The following JAZF1 variants were observed in gnomAD, a reference collection of about 807,000 sequenced individuals.
JAZF1 encodes the protein juxtaposed with another zinc finger protein 1.
A neutral mutation model predicts 26.4 loss-of-function variants in JAZF1; 8 were observed. The ratio of observed to expected loss-of-function variants is 0.30; its 90% CI spans 0.18 to 0.55. The LOEUF (loss-of-function observed/expected upper bound fraction) is 0.55. Among genes scored for constraint, JAZF1 ranks in the 20% least tolerant of loss-of-function variants. JAZF1 has a pLI of 0.94. For missense variants in JAZF1, 199 were observed against 322.0 expected (o/e 0.62, Z 2.92); for synonymous variants, 126 against 122.3 (o/e 1.03, Z -0.20).
In JAZF1 at chr7:27,840,563, G is replaced by T; in HGVS notation, c.555+135C>A. On this transcript the variant is annotated intron_variant, in intron 4 of 4. Coordinates refer to ENST00000283928, the MANE Select transcript of JAZF1 (RefSeq NM_175061.4). The surrounding 1 kb of genome is among the most constrained non-coding windows in gnomAD (Gnocchi z 5.1). ...GTGTGCACACAGGGGTGAGGCCCAC[G>T]CACTCTAATGCAGGAGAGGGGAGTG... 1.1e-6 allele frequency: 1 copy of T among 893,366 alleles called. No homozygotes were observed. Among genetic ancestry groups the T allele is most frequent in the Non-Finnish European group, 1.8e-6 (1 of 571,138 alleles). 55.3% of individuals were successfully genotyped at this position (893,366 alleles called of 1,614,324 possible). A position where few individuals can be genotyped will look rare whatever the true frequency, so the allele number is the denominator to read the frequency against.
Position 27,945,265 on chromosome 7 carries a change from G to A in JAZF1, c.188+46644C>T, listed in dbSNP as rs1012340081. 2.8e-4 allele frequency among the ~76,000 whole-genome samples: 43 copies of A among 152,078 alleles called. 1 individual carries two copies. The highest frequency in any genetic ancestry group is 1.9e-3 in the Admixed American group (29 of 15,264). On this transcript the variant is annotated intron_variant, in intron 2 of 4. Transcript: ENST00000283928. ...TTGAGTGTGGGTGTTGGCTTTATGC[G>A]GCATTATGACAGCTAGCCTGTAAGA...
intron 3 of JAZF1, among the ~76,000 whole-genome samples, chr7:27,894,045 G>A (rs1303202882): frequency 2.0e-5 from 3 of 152,182 alleles, no homozygotes; most frequent in Admixed American, 6.5e-5. Flanking sequence ...TTTGTTCTTC[G>A]TCTATGACTG....
chr7:28,119,836 T>C (rs968287892), intron 1 of JAZF1, among the ~76,000 whole-genome samples: 2 of 152,226 alleles, frequency 1.3e-5, no homozygotes, highest in Non-Finnish European at 2.9e-5. Flanking sequence ...TAATCTTGTC[T>C]TAACCTGTTT....
intron 2 of JAZF1, among the ~76,000 whole-genome samples, chr7:27,897,242 T>C (rs1405181428): frequency 1.3e-5 from 2 of 152,124 alleles, no homozygotes; most frequent in Non-Finnish European, 2.9e-5. Flanking sequence ...TTCAAACTAG[T>C]GTTTCAAATA....
chr7:28,157,787 T>G (rs547663567), intron 1 of JAZF1, among the ~76,000 whole-genome samples: 2 of 152,316 alleles, frequency 1.3e-5, no homozygotes, highest in East Asian at 3.9e-4. Context: ...TGCTAACTCA[T>G]GCACCTACAT....
intron 2 of JAZF1, among the ~76,000 whole-genome samples, chr7:27,904,070 T>C (rs1201687157): frequency 6.6e-6 from 1 of 152,150 alleles, no homozygotes; most frequent in Non-Finnish European, 1.5e-5. Flanking sequence ...CAGTCTAACA[T>C]GGAGAGTAAG....
intron 1 of JAZF1, among the ~76,000 whole-genome samples, chr7:28,160,610 T>A (rs977908477): frequency 6.6e-6 from 1 of 152,126 alleles, no homozygotes; most frequent in Non-Finnish European, 1.5e-5. Context: ...TTTAGTTCCA[T>A]CCCAGGAGGC....
At chr7:27,888,578 G>A (rs1016102421) in intron 3 of JAZF1, among the ~76,000 whole-genome samples, 1 of 151,782 alleles carries the variant, frequency 6.6e-6, no homozygotes, top group South Asian at 2.1e-4. Flanking sequence ...CCACCCCAAG[G>A]GAAAAATACT....
chr7:28,159,581 T>C (rs905020226), intron 1 of JAZF1, among the ~76,000 whole-genome samples: 2 of 151,978 alleles, frequency 1.3e-5, no homozygotes, highest in African/African-American at 4.8e-5. Context: ...GTCAGCACAG[T>C]GGCTTGACAT....
At chr7:27,912,686 T>C (rs1286920149) in intron 2 of JAZF1, among the ~76,000 whole-genome samples, 3 of 152,138 alleles carry the variant, frequency 2.0e-5, no homozygotes, top group African/African-American at 7.2e-5. Flanking sequence ...CATTTCCAAC[T>C]TTTTCCCCCC....
intron 2 of JAZF1, among the ~76,000 whole-genome samples, chr7:27,973,254 T>C (rs38500): frequency 0.8 from 121,101 of 152,068 alleles, 49,156 homozygotes; most frequent in African/African-American, 0.95. Context: ...TTTTAGGAGA[T>C]GGAGGTCTCA....
intron 1 of JAZF1, among the ~76,000 whole-genome samples, chr7:28,121,124 T>TGGGAGGCAGAAATTGCA (rs1782594423): frequency 7.0e-6 from 1 of 142,710 alleles, no homozygotes; most frequent in African/African-American, 2.7e-5. Flanking sequence ...CCTTTGAATC[T>TGGGAGGCAGAAATTGCA]GGGAGGCAGA....
chr7:27,943,215 G>A (rs1336902158), intron 2 of JAZF1, among the ~76,000 whole-genome samples: 1 of 152,094 alleles, frequency 6.6e-6, no homozygotes, highest in Non-Finnish European at 1.5e-5. Flanking sequence ...AAACACAGAT[G>A]TTCACATCCC....
chr7:27,984,089 C>A (rs528979625), intron 2 of JAZF1, among the ~76,000 whole-genome samples: 5 of 152,310 alleles, frequency 3.3e-5, no homozygotes, highest in Admixed American at 1.3e-4. Context: ...GGATCAAATT[C>A]ACACATAACA....
At chr7:28,027,029 C>T (rs1382570987) in intron 1 of JAZF1, among the ~76,000 whole-genome samples, 2 of 152,244 alleles carry the variant, frequency 1.3e-5, no homozygotes, top group African/African-American at 4.8e-5. Context: ...GCATTTAGGG[C>T]TGGTGAAAGT....
At chr7:28,041,038 C>G (rs1286277171) in intron 1 of JAZF1, among the ~76,000 whole-genome samples, 1 of 152,106 alleles carries the variant, frequency 6.6e-6, no homozygotes, top group Non-Finnish European at 1.5e-5. Context: ...CTCAAAGACA[C>G]AAATTCTTTC....
chr7:28,055,661 A>G (rs1017666392), intron 1 of JAZF1, among the ~76,000 whole-genome samples: 2 of 152,248 alleles, frequency 1.3e-5, no homozygotes, highest in African/African-American at 4.8e-5. Context: ...CACGAAGACA[A>G]GGCTCTTTGT....
At chr7:27,907,510 T>C (rs1312779637) in intron 2 of JAZF1, among the ~76,000 whole-genome samples, 2 of 152,160 alleles carry the variant, frequency 1.3e-5, no homozygotes, top group Non-Finnish European at 1.5e-5. Context: ...GGATTGGACA[T>C]CTCCATTTCC....
chr7:27,873,288 A>G (rs1450595376), intron 3 of JAZF1, among the ~76,000 whole-genome samples: 1 of 152,154 alleles, frequency 6.6e-6, no homozygotes, highest in East Asian at 1.9e-4. Flanking sequence ...TGGCTGCCAC[A>G]TTCAACCTTC....
Sources: allele counts gnomAD v4.1 joint callset (sites outside exome capture counted in the v4.1 genomes callset), GRCh38; gene constraint gnomAD v4.1.1; non-coding constraint Gnocchi (gnomAD v3.1); transcripts MANE v1.5; gene names NCBI Gene and HGNC (gene_info 2026-07-23, HGNC 2026-07-21).